Variants in IL36G observed in about 807,000 individuals in gnomAD.
The protein encoded by IL36G is interleukin-36 gamma.
In IL36G, 10 loss-of-function variants were observed where a neutral mutation model predicts 13.5. That is an observed-to-expected ratio of 0.74 (90% CI 0.46 to 1.26). The LOEUF is 1.26. Among genes scored for constraint, IL36G ranks in the 50% most tolerant of loss-of-function variants. The pLI is 0.00. For synonymous variants in IL36G, 84 were observed against 74.0 expected (o/e 1.13, Z -0.69); for missense variants, 199 against 203.0 (o/e 0.98, Z 0.12).
In IL36G at chr2:112,985,002, C is replaced by G; in HGVS notation, c.463C>G (p.Leu155Val). The G allele has an allele frequency of 6.2e-7, 1 of 1,614,046 alleles. No individual in the cohort carries two copies. Among genetic ancestry groups the G allele is most frequent in the Non-Finnish European group, 8.5e-7 (1 of 1,179,964 alleles). ...RDQPIILTSE[L>V]GKSYNTAFEL... ...CCAGCCCATCATTCTGACTTCAGAA[C>G]TTGGGAAGTCATACAACACTGCCTT... is the stretch of plus-strand genomic sequence containing the variant. Residue 155 changes from leucine to valine, a missense_variant, in exon 5 of 5, where the codon CTT becomes GTT. Physicochemically the swap from Leu to Val is conservative, Grantham distance 32. Coordinates refer to ENST00000259205, the MANE Select transcript of IL36G (RefSeq NM_019618.4).
rs934964409 is a variant in IL36G, at chr2:112,979,887, C to G, written c.161-122C>G. 8 of 870,224 alleles carry G rather than the reference C, an allele frequency of 9.2e-6. No individual in the cohort carries two copies. The African/African-American group carries it at 1.2e-4, about 13-fold the overall frequency. 53.9% of individuals were successfully genotyped at this position (870,224 alleles called of 1,614,324 possible). A position where few individuals can be genotyped will look rare whatever the true frequency, so the allele number is the denominator to read the frequency against. ...TATGGGGGTTGGCCATTTGGTGGGT[C>G]TAGTTGGGATTACACTCTTCAGCTC... On this transcript the variant is annotated intron_variant, in intron 3 of 4. Transcript: ENST00000259205.
chr2:112,979,924 C>A, intron 3 of IL36G, 85 bp from the exon 4 acceptor site: 1 of 1,357,942 alleles, frequency 7.4e-7, no homozygotes, highest in Non-Finnish European at 1.0e-6. Flanking sequence ...CTTCCAGATC[C>A]ACTTGAGGAT....
Position 112,978,679 on chromosome 2 carries a change from C to T in IL36G, c.41C>T (p.Ala14Val). ...GGAGACGCTGATGGTGGAGGAAGGG[C>T]CGTCTATCAATCAAGTGAATCAAAT... ...TPGDADGGGR[A>V]VYQSMCKPIT... Residue 14 changes from alanine to valine, a missense_variant, in exon 2 of 5, where the codon GCC becomes GTC. Physicochemically the swap from Ala to Val is moderately conservative, Grantham distance 64. Coordinates refer to ENST00000259205, the MANE Select transcript of IL36G (RefSeq NM_019618.4). 6.2e-7 allele frequency: 1 copy of T among 1,614,132 alleles called. No homozygotes were observed. The highest frequency in any genetic ancestry group is 8.5e-7 in the Non-Finnish European group (1 of 1,180,020).
Position 112,985,119 on chromosome 2 carries a change from T to A in IL36G, c.*70T>A. ...GGTTCCCAATGTGTTTTCGTCTACA[T>A]TTTCTTAGTGTCATTTTCACGCTGG... On this transcript the variant is annotated 3_prime_UTR_variant, in exon 5 of 5. Transcript: ENST00000259205. 1 of 1,102,954 alleles carries A rather than the reference T, an allele frequency of 9.1e-7. No homozygotes were observed. Among genetic ancestry groups the A allele is most frequent in the Non-Finnish European group, 1.3e-6 (1 of 751,876 alleles). 68.3% of individuals were successfully genotyped at this position (1,102,954 alleles called of 1,614,324 possible). A position where few individuals can be genotyped will look rare whatever the true frequency, so the allele number is the denominator to read the frequency against.
At position 112,984,986 on chromosome 2, in the gene IL36G, C is replaced by T. The variant is rs531445649; in HGVS notation, c.447C>T (p.Ile149=). 2.0e-5 allele frequency: 32 copies of T among 1,614,002 alleles called. No homozygotes were observed. The highest frequency in any genetic ancestry group is 2.6e-5 in the Non-Finnish European group (31 of 1,180,002). The stretch of plus-strand genomic sequence containing the variant: ...CCTCCTCCAAGAGAGACCAGCCCAT[C>T]ATTCTGACTTCAGAACTTGGGAAGT... ...FIASSKRDQP[I]ILTSELGKSY... The change falls in exon 5 of 5, where the codon ATC becomes ATT. Residue 149 remains isoleucine (I), a synonymous_variant. Coordinates refer to ENST00000259205, the MANE Select transcript of IL36G (RefSeq NM_019618.4).
At chr2:112,981,538 C>T (rs1432314033) in intron 4 of IL36G, 9 of 482,622 alleles carry the variant, frequency 1.9e-5, no homozygotes, top group Non-Finnish European at 3.4e-5. Context: ...TCACACTGCT[C>T]TGTCTTTCTT....
chr2:112,980,952 G>C (rs1684250556), intron 4 of IL36G, among the ~76,000 whole-genome samples: 1 of 152,210 alleles, frequency 6.6e-6, no homozygotes, highest in Non-Finnish European at 1.5e-5. Context: ...AGGGAAAGGT[G>C]TTTTCCCCAC....
rs116878152 is a variant in IL36G at position 112,983,639 on chromosome 2, T to C, written c.301-1201T>C. 1.5e-3 allele frequency among the ~76,000 whole-genome samples: 233 copies of C among 151,678 alleles called. 6 individuals carry two copies. The East Asian group carries it at 0.044, about 28-fold the overall frequency. On this transcript the variant is annotated intron_variant, in intron 4 of 4. Transcript: ENST00000259205. ...CTTGGAAGGCAAAGAAGAAGACAGG[T>C]TGGTGGGGGCAGAATGAGCATGCAG...
At chr2:112,981,663 A>C (rs1449713505) in intron 4 of IL36G, among the ~76,000 whole-genome samples, 1 of 152,048 alleles carries the variant, frequency 6.6e-6, no homozygotes, top group African/African-American at 2.4e-5. Flanking sequence ...TCAATATCTC[A>C]CGATATCTCA....
chr2:112,979,474 A>G, intron 3 of IL36G, 149 bp downstream of exon 3: 2 of 604,392 alleles, frequency 3.3e-6, no homozygotes, highest in South Asian at 4.1e-5. Context: ...GTCAGGGAGA[A>G]CTTTGGGTTC....
At chr2:112,983,987 A>G (rs1310493865) in intron 4 of IL36G, among the ~76,000 whole-genome samples, 1 of 152,212 alleles carries the variant, frequency 6.6e-6, no homozygotes, top group Non-Finnish European at 1.5e-5. Context: ...TTTTGGAAAT[A>G]GAGTCCACAG....
rs1416906823 is a variant in IL36G, at chr2:112,985,574, T to G, written c.*525T>G. ...TTCTTGTGTTAAGTTAAATCATTTT[T>G]GTCCTAATTGTAATGTGTAATCTTA... On this transcript the variant is annotated 3_prime_UTR_variant, in exon 5 of 5. Transcript: ENST00000259205. 2.0e-5 allele frequency: 3 copies of G among 152,908 alleles called. No individual in the cohort carries two copies. The highest frequency in any genetic ancestry group is 7.2e-5 in the African/African-American group (3 of 41,460). 9.5% of individuals were successfully genotyped at this position (152,908 alleles called of 1,614,324 possible).
In IL36G at chr2:112,980,107, T is replaced by C. The variant is rs139352622; in HGVS notation, c.259T>C (p.Tyr87His). The C allele has an allele frequency of 2.7e-4, 440 of 1,614,130 alleles. 3 individuals carry two copies. The highest frequency in any genetic ancestry group is 7.2e-4 in the South Asian group (66 of 91,084). Residue 87 changes from tyrosine to histidine, a missense_variant, in exon 4 of 5, where the codon TAT becomes CAT. Tyr to His is a moderately conservative substitution (Grantham distance 83). Coordinates refer to ENST00000259205, the MANE Select transcript of IL36G (RefSeq NM_019618.4). ...LGIQNPEMCLYCEKVGEQPTL... is the reference protein window; with the variant it reads ...LGIQNPEMCLHCEKVGEQPTL... ...AATCCAGAATCCAGAAATGTGTTTG[T>C]ATTGTGAGAAGGTTGGAGAACAGCC...
chr2:112,978,926 G>C (rs1684213196), intron 2 of IL36G, among the ~76,000 whole-genome samples: 1 of 152,212 alleles, frequency 6.6e-6, no homozygotes, highest in Admixed American at 6.5e-5. Flanking sequence ...GCACAAAAGA[G>C]GGTAGCTGGG....
intron 4 of IL36G, among the ~76,000 whole-genome samples, chr2:112,982,446 A>G (rs1287822645): frequency 3.3e-5 from 5 of 152,148 alleles, no homozygotes; most frequent in African/African-American, 1.2e-4. Context: ...AATGTTTTGA[A>G]CAGAGGAATG....
At chr2:112,978,950 G>T (rs1196971385) in intron 2 of IL36G, among the ~76,000 whole-genome samples, 1 of 152,194 alleles carries the variant, frequency 6.6e-6, no homozygotes, top group East Asian at 1.9e-4. Flanking sequence ...TGGCACACAG[G>T]TTCTGTGAGA....
intron 2 of IL36G, 48 bp downstream of exon 2, chr2:112,978,741 G>T (rs770045511): frequency 3.2e-6 from 5 of 1,557,760 alleles, no homozygotes; most frequent in South Asian, 1.1e-5. Flanking sequence ...TAGGCCCTCT[G>T]CACTCACGCT....
At chr2:112,979,963 T>C in intron 3 of IL36G, 46 bp from the exon 4 acceptor site, 1 of 1,592,796 alleles carries the variant, frequency 6.3e-7, no homozygotes, top group Non-Finnish European at 8.6e-7. Context: ...ATAATCTTTC[T>C]GACTTCAAAA....
intron 3 of IL36G, 148 bp from the exon 4 acceptor site, chr2:112,979,861 A>ATGAATGAT: frequency 3.1e-6 from 2 of 644,266 alleles, no homozygotes. Context: ...GAATGAATGA[A>ATGAATGAT]TATGGGGGTT....
Sources: gnomAD v4.1 joint callset for allele counts (sites outside exome capture counted in the v4.1 genomes callset) on GRCh38, gnomAD v4.1.1 for gene constraint, MANE v1.5 for transcripts, NCBI Gene and HGNC (gene_info 2026-07-23, HGNC 2026-07-21) for gene names.